Variants in PCDHGA5 observed in about 807,000 individuals in gnomAD.
PCDHGA5 encodes protocadherin gamma subfamily A, 5, also known as protocadherin gamma-A5.
In PCDHGA5, 36 loss-of-function variants were observed where a neutral mutation model predicts 56.7. The ratio of observed to expected loss-of-function variants is 0.64; its 90% CI spans 0.49 to 0.84. PCDHGA5 has a LOEUF of 0.84. Among genes scored for constraint, PCDHGA5 ranks in the 40% least tolerant of loss-of-function variants. The pLI, the probability that PCDHGA5 is intolerant of heterozygous loss-of-function variation, is 0.00. For synonymous variants in PCDHGA5, 563 were observed against 520.2 expected (o/e 1.08, Z -1.12); for missense variants, 1,305 against 1,201.5 (o/e 1.09, Z -1.27).
chr5:141,365,305 C>T lies in PCDHGA5; in HGVS notation c.975C>T (p.Gly325=), dbSNP rs753864685. Residue 325 remains glycine, a synonymous_variant, in exon 1 of 4, where the codon GGC becomes GGT. Transcript: ENST00000518069. The part of the protein sequence containing the change: ...YLMEVVAQDG[G]ALVASAKVVV... Reference sequence around the variant, plus strand: ...TGGAAGTGGTAGCTCAGGATGGAGGCGCTCTTGTTGCCAGCGCTAAGGTGG... The same window carrying T: ...TGGAAGTGGTAGCTCAGGATGGAGGTGCTCTTGTTGCCAGCGCTAAGGTGG... 1.5e-5 allele frequency: 24 copies of T among 1,613,808 alleles called. No individual in the cohort carries two copies. The highest frequency in any genetic ancestry group is 1.9e-5 in the Non-Finnish European group (22 of 1,179,898).
chr5:141,486,688 C>G lies in PCDHGA5; in HGVS notation c.2422-8119C>G, dbSNP rs748605515. On this transcript the variant is annotated intron_variant, in intron 1 of 3. Coordinates refer to ENST00000518069, the MANE Select transcript of PCDHGA5 (RefSeq NM_018918.3). This position sits in a 1 kb window ranked among gnomAD's most constrained non-coding sequence, Gnocchi z 5.0. ...CCAGGAATCGAGATGTATCAGCTTCCTCTTTCATCTCTCTGAACCCCCAGA... is the reference window on the plus strand; with the variant it reads ...CCAGGAATCGAGATGTATCAGCTTCGTCTTTCATCTCTCTGAACCCCCAGA... The G allele has an allele frequency of 1.2e-6, 2 of 1,614,170 alleles. No homozygotes were observed. The highest frequency in any genetic ancestry group is 8.5e-7 in the Non-Finnish European group (1 of 1,180,044).
rs1183918402 is a variant in PCDHGA5, at chr5:141,366,715, T to C, written c.2385T>C (p.Asp795=). The C allele has an allele frequency of 1.9e-6, 3 of 1,614,072 alleles. No individual in the cohort carries two copies. Among genetic ancestry groups the C allele is most frequent in the Non-Finnish European group, 2.5e-6 (3 of 1,180,006 alleles). ...AAAGCGAGCCTCTTCTGATGTCTGA[T>C]AAGGTAGATGCAAACAAAGAAGAAC... ...CEKSEPLLMS[D]KVDANKEERR... Residue 795 remains aspartate, a synonymous_variant, in exon 1 of 4, where the codon GAT becomes GAC. Transcript: ENST00000518069.
chr5:141,431,447 G>C lies in PCDHGA5; in HGVS notation c.2422-63360G>C. ...GCGCACAGGCACCGCGCGCATCCGC[G>C]TGATGGTTCTGGATGCGAACGACAA... is the stretch of plus-strand genomic sequence containing the variant. On this transcript the variant is annotated intron_variant, in intron 1 of 3. Coordinates refer to ENST00000518069, the MANE Select transcript of PCDHGA5 (RefSeq NM_018918.3). The surrounding 1 kb of genome is among the most constrained non-coding windows in gnomAD (Gnocchi z 4.8). The C allele has an allele frequency of 6.2e-7, 1 of 1,613,792 alleles. No individual in the cohort carries two copies. Among genetic ancestry groups the C allele is most frequent in the Non-Finnish European group, 8.5e-7 (1 of 1,180,014 alleles).
chr5:141,414,854 A>C (rs1191943867), intron 1 of PCDHGA5: 3 of 1,614,230 alleles, frequency 1.9e-6, no homozygotes, highest in Non-Finnish European at 2.5e-6. Context: ...CTGGACCAGA[A>C]CGACAATGCG....
intron 1 of PCDHGA5, chr5:141,398,400 C>T: frequency 6.8e-7 from 1 of 1,465,224 alleles, no homozygotes; most frequent in Non-Finnish European, 9.5e-7. Context: ...GCAGGCTAGA[C>T]AGGGAGGAGA....
intron 1 of PCDHGA5, chr5:141,414,754 G>A: frequency 6.2e-7 from 1 of 1,614,190 alleles, no homozygotes; most frequent in Non-Finnish European, 8.5e-7. Flanking sequence ...CTTCGACTAT[G>A]AGCAGTTTCA....
At position 141,365,006 on chromosome 5, in the gene PCDHGA5, A is replaced by G; in HGVS notation, c.676A>G (p.Thr226Ala). 1 of 1,613,882 alleles carries G rather than the reference A, an allele frequency of 6.2e-7. No homozygotes were observed. Among genetic ancestry groups the G allele is most frequent in the Non-Finnish European group, 8.5e-7 (1 of 1,179,900 alleles). Residue 226 changes from threonine to alanine, a missense_variant, in exon 1 of 4, where the codon ACG becomes GCG. Coordinates refer to ENST00000518069, the MANE Select transcript of PCDHGA5 (RefSeq NM_018918.3). ...CGGAGACCCGGTACTCTCCGGCACC[A>G]CGCACATCCGTGTTACGGTCCTCGA... ...DGGDPVLSGT[T>A]HIRVTVLDAN...
intron 1 of PCDHGA5, chr5:141,415,794 A>C: frequency 7.3e-7 from 1 of 1,366,410 alleles, no homozygotes; most frequent in Non-Finnish European, 9.3e-7. Context: ...AAATTCACCT[A>C]GTCTCAATCA....
chr5:141,479,342 G>A (rs926832955), intron 1 of PCDHGA5: 1 of 152,486 alleles, frequency 6.6e-6, no homozygotes, highest in Admixed American at 6.5e-5. Flanking sequence ...TGCACCTGTA[G>A]TTCTTGCTGC....
At chr5:141,376,310 G>T in intron 1 of PCDHGA5, 1 of 1,613,946 alleles carries the variant, frequency 6.2e-7, no homozygotes, top group Non-Finnish European at 8.5e-7. Context: ...CTTTGTGGGC[G>T]TGGAAGGGGT....
At position 141,477,886 on chromosome 5, in the gene PCDHGA5, G is replaced by A. The variant is rs2099422999; in HGVS notation, c.2422-16921G>A. 2 of 1,614,188 alleles carry A rather than the reference G, an allele frequency of 1.2e-6. No homozygotes were observed. The highest frequency in any genetic ancestry group is 1.7e-6 in the Non-Finnish European group (2 of 1,180,040). ...GAGGTACCTCAGCTGGCCACCTAGT[G>A]TCACGGGTGGTAGGCTGGGACGCGG... On this transcript the variant is annotated intron_variant, in intron 1 of 3. Transcript: ENST00000518069. The surrounding 1 kb of genome is among the most constrained non-coding windows in gnomAD (Gnocchi z 4.9).
chr5:141,384,139 A>G (rs1561600498), intron 1 of PCDHGA5: 1 of 1,612,786 alleles, frequency 6.2e-7, no homozygotes. Context: ...GGACCGGGAA[A>G]CACTCTCTTT....
chr5:141,471,626 G>A (rs938624727), intron 1 of PCDHGA5: 2 of 152,108 alleles, frequency 1.3e-5, no homozygotes, highest in South Asian at 4.1e-4. Context: ...GTAAGCATTG[G>A]TATGGATTAG....
At chr5:141,418,966 C>T (rs754269610) in intron 1 of PCDHGA5, 44 of 1,613,892 alleles carry the variant, frequency 2.7e-5, no homozygotes, top group Non-Finnish European at 3.6e-5. Flanking sequence ...TTGCCCTCTT[C>T]AAAACACGGG....
chr5:141,387,670 C>T, intron 1 of PCDHGA5: 1 of 694,130 alleles, frequency 1.4e-6, no homozygotes, highest in Non-Finnish European at 2.3e-6. Flanking sequence ...CGCTCCAGAT[C>T]TCCTCGCGCA....
Position 141,366,185 on chromosome 5 carries a change from GT to G in PCDHGA5, c.1857del (p.Leu621CysfsTer55), listed in dbSNP as rs1375353655. The G allele has an allele frequency of 6.2e-7, 1 of 1,613,892 alleles. No homozygotes were observed. Among genetic ancestry groups the G allele is most frequent in the East Asian group, 2.2e-5 (1 of 44,898 alleles). On this transcript the variant is annotated frameshift_variant, in exon 1 of 4. Transcript: ENST00000518069. LOFTEE classifies it high-confidence loss of function. ...GGCCAGCGAGCCAGGACTCTTTGCG[GT>G]TGGGCTGCACACGGGCGAGGTGCGC... is the stretch of plus-strand genomic sequence containing the variant. ...LKASEPGLFA[V>X]GLHTGEVRTA...
Position 141,491,302 on chromosome 5 carries a change from T to TC in PCDHGA5, c.2422-3504dup. The TC allele has an allele frequency of 6.2e-7, 1 of 1,614,126 alleles. No individual in the cohort carries two copies. Among genetic ancestry groups the TC allele is most frequent in the Non-Finnish European group, 8.5e-7 (1 of 1,180,000 alleles). On this transcript the variant is annotated intron_variant, in intron 1 of 3. Transcript: ENST00000518069. The surrounding 1 kb of genome is among the most constrained non-coding windows in gnomAD (Gnocchi z 6.9). ...CTTCCTCATACACCCTCCTGAGCGT[T>TC]CAGACCTTACCCTTTACCTCATTGT... is the stretch of plus-strand genomic sequence containing the variant.
Position 141,366,343 on chromosome 5 carries a change from C to T in PCDHGA5, c.2013C>T (p.Ile671=). 1.2e-6 allele frequency: 2 copies of T among 1,613,936 alleles called. No individual in the cohort carries two copies. Among genetic ancestry groups the T allele is most frequent in the Non-Finnish European group, 1.7e-6 (2 of 1,180,032 alleles). ...TVAVADRIPD[I]LADLGSIKTP... ...CCGTGGCCGACAGGATCCCTGACAT[C>T]CTGGCTGACCTAGGCAGTATCAAGA... The change falls in exon 1 of 4, where the codon ATC becomes ATT. Residue 671 remains isoleucine (I), a synonymous_variant. Coordinates refer to ENST00000518069, the MANE Select transcript of PCDHGA5 (RefSeq NM_018918.3).
At chr5:141,409,545 A>G in intron 1 of PCDHGA5, 1 of 1,613,938 alleles carries the variant, frequency 6.2e-7, no homozygotes, top group African/African-American at 1.3e-5. Flanking sequence ...ATCAACGACA[A>G]CGCCCCAGTT....
Sources: allele counts gnomAD v4.1 joint callset, GRCh38; gene constraint gnomAD v4.1.1; non-coding constraint Gnocchi (gnomAD v3.1); transcripts MANE v1.5; gene names NCBI Gene and HGNC (gene_info 2026-07-23, HGNC 2026-07-21).